Variants in PRR11 observed in about 807,000 individuals in gnomAD.
The protein encoded by PRR11 is proline rich 11.
In PRR11, 30 loss-of-function variants were observed where a neutral mutation model predicts 45.6. The ratio of observed to expected loss-of-function variants is 0.66; its 90% CI spans 0.49 to 0.89. The LOEUF is 0.89. PRR11 is among the 40% of genes least tolerant of loss of function. The probability of loss-of-function intolerance (pLI) is 0.00; values close to 1 mark genes in which losing one functional copy is unlikely to be tolerated. For missense variants in PRR11, 373 were observed against 424.8 expected (o/e 0.88, Z 1.07); for synonymous variants, 128 against 153.5 (o/e 0.83, Z 1.23).
At chr17:59,157,379 C>T (rs1158653264) in intron 1 of PRR11, among the ~76,000 whole-genome samples, 2 of 152,004 alleles carry the variant, frequency 1.3e-5, no homozygotes, top group African/African-American at 4.8e-5. Context: ...TATAGAAGTG[C>T]AAAAGAGATG....
chr17:59,181,841 C>G, intron 2 of PRR11: 1 of 1,476,104 alleles, frequency 6.8e-7, no homozygotes, highest in Non-Finnish European at 9.2e-7. Flanking sequence ...TCTCCATCCT[C>G]CCCAGCCTTG....
chr17:59,206,693 G>T lies in PRR11; in HGVS notation c.*5062G>T, dbSNP rs1231355169. On this transcript the variant is annotated 3_prime_UTR_variant, in exon 10 of 10. Coordinates refer to ENST00000262293, the MANE Select transcript of PRR11 (RefSeq NM_018304.4). Reference sequence around the variant, plus strand: ...TAAAATAAAGATTAATAAAAGTTTTGGTTTTTCTCTTTCTAACCTTCTTTT... The same window carrying T: ...TAAAATAAAGATTAATAAAAGTTTTTGTTTTTCTCTTTCTAACCTTCTTTT... Among the ~76,000 whole-genome samples, 2 of 151,898 alleles carry T rather than the reference G, an allele frequency of 1.3e-5. No homozygotes were observed. Among genetic ancestry groups the T allele is most frequent in the Non-Finnish European group, 2.9e-5 (2 of 67,974 alleles).
Position 59,205,510 on chromosome 17 carries a change from T to TGG in PRR11, c.*3880_*3881dup, listed in dbSNP as rs1323911215. Among the ~76,000 whole-genome samples the TGG allele has an allele frequency of 1.4e-5, 2 of 146,774 alleles. No individual in the cohort carries two copies. Among genetic ancestry groups the TGG allele is most frequent in the African/African-American group, 2.6e-5 (1 of 38,814 alleles). ...TGAGGTCAAGAGTTCGAGACCAGTC[T>TGG]GGCCAACATGGTGAAACCCTGTCTC... On this transcript the variant is annotated 3_prime_UTR_variant, in exon 10 of 10. Transcript: ENST00000262293.
chr17:59,193,131 G>A (rs534163407), intron 4 of PRR11, among the ~76,000 whole-genome samples: 2 of 152,160 alleles, frequency 1.3e-5, no homozygotes, highest in African/African-American at 2.4e-5. Flanking sequence ...GGCTGGTCTC[G>A]AACTCCTGGG....
intron 2 of PRR11, chr17:59,181,700 T>C: frequency 6.5e-7 from 1 of 1,549,620 alleles, no homozygotes; most frequent in Non-Finnish European, 8.8e-7. Flanking sequence ...TCCCTCTTCC[T>C]TTTCCAGCAA....
chr17:59,188,315 C>T (rs2046823787), intron 4 of PRR11, among the ~76,000 whole-genome samples: 2 of 152,118 alleles, frequency 1.3e-5, no homozygotes, highest in Non-Finnish European at 2.9e-5. Flanking sequence ...CAGGTGCTCT[C>T]TTGTTATTGA....
At chr17:59,168,452 G>A (rs2046690445) in intron 1 of PRR11, among the ~76,000 whole-genome samples, 1 of 152,154 alleles carries the variant, frequency 6.6e-6, no homozygotes, top group Non-Finnish European at 1.5e-5. Flanking sequence ...TTACAGACGT[G>A]AGCCACCACA....
At chr17:59,194,490 G>A (rs1055484958) in intron 5 of PRR11, among the ~76,000 whole-genome samples, 4 of 152,082 alleles carry the variant, frequency 2.6e-5, no homozygotes, top group Non-Finnish European at 5.9e-5. Context: ...AATATTGCAG[G>A]AAACTAGTCC....
intron 7 of PRR11, among the ~76,000 whole-genome samples, chr17:59,195,896 T>C (rs1471288354): frequency 2.0e-5 from 3 of 151,744 alleles, no homozygotes; most frequent in Admixed American, 1.3e-4. Flanking sequence ...CTGGGCAACA[T>C]AGTGAGAGCC....
intron 7 of PRR11, 88 bp from the exon 8 acceptor site, chr17:59,197,456 T>G (rs1204245937): frequency 8.1e-7 from 1 of 1,230,008 alleles, no homozygotes; most frequent in African/African-American, 1.5e-5. Flanking sequence ...TTTCACCGTG[T>G]TAGCAAGGAT....
chr17:59,193,453 A>G, intron 4 of PRR11, 39 bp from the exon 5 acceptor site: 2 of 1,611,060 alleles, frequency 1.2e-6, no homozygotes, highest in Non-Finnish European at 1.7e-6. Flanking sequence ...AATCAAATTA[A>G]CTTGTTATTT....
At chr17:59,165,537 A>G (rs1161920957) in intron 1 of PRR11, among the ~76,000 whole-genome samples, 1 of 151,880 alleles carries the variant, frequency 6.6e-6, no homozygotes, top group Non-Finnish European at 1.5e-5. Flanking sequence ...TGACGCCTGT[A>G]ATCCCAGCAC....
At chr17:59,171,342 C>G (rs2046707543) in intron 2 of PRR11, among the ~76,000 whole-genome samples, 1 of 151,386 alleles carries the variant, frequency 6.6e-6, no homozygotes, top group Non-Finnish European at 1.5e-5. Context: ...CAAAAACATA[C>G]AGTAAACATC....
At chr17:59,187,702 T>TAAAAATACAAA (rs2046820813) in intron 4 of PRR11, among the ~76,000 whole-genome samples, 1 of 151,000 alleles carries the variant, frequency 6.6e-6, no homozygotes, top group Non-Finnish European at 1.5e-5. Context: ...CTGTCTCTAC[T>TAAAAATACAAA]AAAAATACAA....
chr17:59,174,852 C>T (rs2046734206), intron 2 of PRR11: 3 of 1,260,728 alleles, frequency 2.4e-6, no homozygotes, highest in African/African-American at 1.5e-5. Context: ...AAAACAAACG[C>T]CCCTTAAGAA....
intron 2 of PRR11, chr17:59,174,981 A>G (rs2046735656): frequency 3.7e-6 from 3 of 801,848 alleles, no homozygotes; most frequent in African/African-American, 1.7e-5. Context: ...CTCCAGGGAA[A>G]CCCAAGCCCT....
intron 2 of PRR11, among the ~76,000 whole-genome samples, chr17:59,180,368 T>C (rs2046775307): frequency 6.6e-6 from 1 of 151,272 alleles, no homozygotes. Context: ...TGGCCTCAAG[T>C]GATCCGCCTG....
At chr17:59,162,134 G>A (rs980111804) in intron 1 of PRR11, among the ~76,000 whole-genome samples, 2 of 151,292 alleles carry the variant, frequency 1.3e-5, no homozygotes, top group Non-Finnish European at 2.9e-5. Flanking sequence ...ATTTTGCATG[G>A]TTCCTTAATC....
intron 4 of PRR11, 57 bp downstream of exon 4, chr17:59,185,619 GAAAAGACTATTGC>G: frequency 7.0e-7 from 1 of 1,429,428 alleles, no homozygotes; most frequent in Non-Finnish European, 9.6e-7. Flanking sequence ...CACTTTTTTT[GAAAAGACTATTGC>G]AATAGGGAAA....
Sources: gnomAD v4.1 joint callset for allele counts (sites outside exome capture counted in the v4.1 genomes callset) on GRCh38, gnomAD v4.1.1 for gene constraint, MANE v1.5 for transcripts, NCBI Gene and HGNC (gene_info 2026-07-23, HGNC 2026-07-21) for gene names.